Variants in EPM2A observed in about 807,000 individuals in gnomAD.
The protein encoded by EPM2A is laforin.
Under a neutral mutation model 26.5 loss-of-function variants are expected in EPM2A, and 21 were observed. The observed-to-expected ratio is 0.79, with a 90% CI of 0.56 to 1.14. The LOEUF is 1.14. Among genes scored for constraint, EPM2A ranks in the 50% most tolerant of loss-of-function variants. The probability of loss-of-function intolerance (pLI) is 0.00; values close to 1 mark genes in which losing one functional copy is unlikely to be tolerated. For synonymous variants in EPM2A, 217 were observed against 177.6 expected (o/e 1.22, Z -1.76); for missense variants, 458 against 440.8 (o/e 1.04, Z -0.35).
At chr6:145,488,029 T>C (rs941547386) in intron 4 of EPM2A, among the ~76,000 whole-genome samples, 1 of 152,138 alleles carries the variant, frequency 6.6e-6, no homozygotes, top group African/African-American at 2.4e-5. Context: ...TTTACTTTTC[T>C]GCTTATGGCT....
At chr6:145,572,135 C>G (rs572934495) in intron 2 of EPM2A, among the ~76,000 whole-genome samples, 89 of 152,324 alleles carry the variant, frequency 5.8e-4, no homozygotes, top group African/African-American at 2.1e-3. Context: ...GCTCAAAGTT[C>G]TGCCCACTGG....
chr6:145,579,679 A>G (rs1002954328), intron 2 of EPM2A, among the ~76,000 whole-genome samples: 1 of 152,328 alleles, frequency 6.6e-6, no homozygotes, highest in South Asian at 2.1e-4. Flanking sequence ...ACTTACATTT[A>G]TTGTGATCAT....
chr6:145,605,236 C>T (rs1775210042), intron 2 of EPM2A, among the ~76,000 whole-genome samples: 1 of 152,150 alleles, frequency 6.6e-6, no homozygotes, highest in Non-Finnish European at 1.5e-5. Flanking sequence ...AATTATTCAG[C>T]AATTCAAATT....
At chr6:145,412,334 A>G (rs749168314) in intron 4 of EPM2A, among the ~76,000 whole-genome samples, 3 of 152,212 alleles carry the variant, frequency 2.0e-5, no homozygotes, top group African/African-American at 4.8e-5. Context: ...CAAAGTACAC[A>G]TAATATACAC....
chr6:145,450,764 C>T (rs749674270), intron 4 of EPM2A, among the ~76,000 whole-genome samples: 4 of 152,172 alleles, frequency 2.6e-5, no homozygotes, highest in Admixed American at 6.5e-5. Context: ...GTTTCCTCCT[C>T]TCTATACCAT....
intron 1 of EPM2A, among the ~76,000 whole-genome samples, chr6:145,693,851 T>G (rs1781417869): frequency 6.6e-6 from 1 of 151,980 alleles, no homozygotes; most frequent in Non-Finnish European, 1.5e-5. Flanking sequence ...TTGTTATTTG[T>G]TCATCAAGGC....
intron 4 of EPM2A, chr6:145,489,879 C>T (rs1779732041): frequency 7.9e-6 from 11 of 1,386,914 alleles, no homozygotes; most frequent in Non-Finnish European, 1.1e-5. Flanking sequence ...AGTGAAGCTT[C>T]TCTACGTGTA....
intron 2 of EPM2A, among the ~76,000 whole-genome samples, chr6:145,662,509 T>A (rs1334993629): frequency 6.6e-6 from 1 of 152,162 alleles, no homozygotes; most frequent in African/African-American, 2.4e-5. Flanking sequence ...TGATTATGAC[T>A]GATCATGATA....
chr6:145,623,192 C>CT (rs2128554158), downstream of EPM2A, among the ~76,000 whole-genome samples: 1 of 152,258 alleles, frequency 6.6e-6, no homozygotes, highest in South Asian at 2.1e-4. Flanking sequence ...AAATTTCTGC[C>CT]TTTATAATGC....
chr6:145,631,623 G>C (rs1189441277), intron 3 of EPM2A: 1 of 152,126 alleles, frequency 6.6e-6, no homozygotes, highest in Non-Finnish European at 1.5e-5. Context: ...CTAACCTGTG[G>C]TTCACACCAG....
chr6:145,526,075 G>GT (rs1379157039), intron 2 of EPM2A, among the ~76,000 whole-genome samples: 2 of 152,098 alleles, frequency 1.3e-5, no homozygotes, highest in East Asian at 3.9e-4. Flanking sequence ...TTTCAATTCT[G>GT]TTTATGTGGT....
rs192162825 is a variant in EPM2A at position 145,474,305 on chromosome 6, T to C, written c.555+28217A>G. Among the ~76,000 whole-genome samples the C allele has an allele frequency of 1.5e-3, 221 of 151,866 alleles. 4 individuals are homozygous for C. Among genetic ancestry groups the C allele is most frequent in the East Asian group, 3.9e-4 (2 of 5,140 alleles). ...GGTGAAACCCCATCTCTACTAAAAA[T>C]ACAAAAATTAGCCAGGCATGGTGGT... On this transcript the variant is annotated intron_variant, in intron 4 of 4. Transcript: ENST00000638717.
Position 145,626,925 on chromosome 6 carries a change from T to G in EPM2A, c.*491A>C, listed in dbSNP as rs886176433. On this transcript the variant is annotated 3_prime_UTR_variant, in exon 4 of 4. Coordinates refer to ENST00000367519, the MANE Select transcript of EPM2A (RefSeq NM_005670.4). ...GAAAGCCATCACTTTTTGACCATAGTGAGCTCTTCTTTTGTAACGGTTCAG... is the reference window on the plus strand; with the variant it reads ...GAAAGCCATCACTTTTTGACCATAGGGAGCTCTTCTTTTGTAACGGTTCAG... 2 of 1,006,930 alleles carry G rather than the reference T, an allele frequency of 2.0e-6. No individual in the cohort carries two copies. Among genetic ancestry groups the G allele is most frequent in the African/African-American group, 3.5e-5 (2 of 57,716 alleles). The allele number at this position is 1,006,930 out of a possible 1,614,324, so 62.4% of individuals were successfully genotyped here. A position where few individuals can be genotyped will look rare whatever the true frequency, so the allele number is the denominator to read the frequency against.
At chr6:145,616,661 G>T (rs1775519954) in intron 2 of EPM2A, among the ~76,000 whole-genome samples, 1 of 152,340 alleles carries the variant, frequency 6.6e-6, no homozygotes, top group South Asian at 2.1e-4. Context: ...CAAAGCCACA[G>T]GGGTGGAGCT....
intron 4 of EPM2A, among the ~76,000 whole-genome samples, chr6:145,480,313 G>C (rs1314143608): frequency 1.3e-5 from 2 of 152,034 alleles, no homozygotes; most frequent in African/African-American, 2.4e-5. Context: ...AGGAGGAAGA[G>C]AGGGAAGGGG....
intron 2 of EPM2A, among the ~76,000 whole-genome samples, chr6:145,561,827 G>C (rs1323415043): frequency 2.0e-5 from 3 of 152,046 alleles, no homozygotes; most frequent in Admixed American, 2.0e-4. Flanking sequence ...CAAATTCTAA[G>C]ATCTGAAATT....
chr6:145,613,435 A>C (rs1775437928), intron 2 of EPM2A, among the ~76,000 whole-genome samples: 1 of 152,162 alleles, frequency 6.6e-6, no homozygotes, highest in South Asian at 2.1e-4. Context: ...TCCACCTATG[A>C]ATCATAAATG....
At chr6:145,477,562 C>T (rs73560918) in intron 4 of EPM2A, among the ~76,000 whole-genome samples, 2,207 of 151,900 alleles carry the variant, frequency 0.015, 45 homozygotes, top group African/African-American at 0.05. Context: ...TTCAGTAATA[C>T]ATTAGAGAAA....
chr6:145,573,743 A>C (rs889984351), intron 2 of EPM2A, among the ~76,000 whole-genome samples: 2 of 152,198 alleles, frequency 1.3e-5, no homozygotes, highest in Admixed American at 1.3e-4. Flanking sequence ...GCCAGCTGCT[A>C]AGTATGTCTA....
Sources: allele counts gnomAD v4.1 joint callset (sites outside exome capture counted in the v4.1 genomes callset), GRCh38; gene constraint gnomAD v4.1.1; transcripts MANE v1.5; gene names NCBI Gene and HGNC (gene_info 2026-07-23, HGNC 2026-07-21).